The following SLC25A28 variants were observed in gnomAD, a reference collection of about 807,000 sequenced individuals.
SLC25A28 encodes solute carrier family 25 member 28, also known as mitoferrin-2.
SLC25A28 carries 10 observed loss-of-function variants against 31.9 expected under a neutral mutation model. The observed-to-expected ratio is 0.31, with a 90% CI of 0.19 to 0.53. The LOEUF is 0.53. Ranked by LOEUF, SLC25A28 falls within the 20% of genes least tolerant of loss-of-function variation. The pLI, the probability that SLC25A28 is intolerant of heterozygous loss-of-function variation, is 0.95. For synonymous variants in SLC25A28, 208 were observed against 203.6 expected (o/e 1.02, Z -0.19); for missense variants, 256 against 490.3 (o/e 0.52, Z 4.51).
chr10:99,616,507 G>C, intron 1 of SLC25A28: 1 of 984,814 alleles, frequency 1.0e-6, no homozygotes, highest in African/African-American at 1.7e-5. Flanking sequence ...ATTGCCTCCT[G>C]TATAAGTCAT....
At chr10:99,651,682 C>T in the SLC25A28 span, among the ~76,000 whole-genome samples, 4 of 149,986 alleles carry the variant, frequency 2.7e-5, no homozygotes, top group Non-Finnish European at 5.9e-5. Context: ...CCTTGAACTC[C>T]CGGGCTCACA....
chr10:99,612,127 A>G (rs1179415559), intron 3 of SLC25A28, among the ~76,000 whole-genome samples: 1 of 152,192 alleles, frequency 6.6e-6, no homozygotes, highest in Non-Finnish European at 1.5e-5. Flanking sequence ...TTTCATTCCT[A>G]TCCCAACTAG....
At position 99,612,842 on chromosome 10, in the gene SLC25A28, G is replaced by A. The variant is rs536262939; in HGVS notation, c.521-243C>T. Among the ~76,000 whole-genome samples the A allele has an allele frequency of 2.0e-5, 3 of 152,288 alleles. No homozygotes were observed. In the South Asian group the frequency reaches 6.2e-4, roughly 32 times the overall value. On this transcript the variant is annotated intron_variant, in intron 2 of 3. Coordinates refer to ENST00000370495, the MANE Select transcript of SLC25A28 (RefSeq NM_031212.4). Reference sequence around the variant, plus strand: ...ATCCATGATAGGAAGGCCAGCTCAAGTCTTATCAATAAAGATCATTCTGAG... The same window carrying A: ...ATCCATGATAGGAAGGCCAGCTCAAATCTTATCAATAAAGATCATTCTGAG...
At chr10:99,628,840 C>A in the SLC25A28 span, among the ~76,000 whole-genome samples, 128 of 152,210 alleles carry the variant, frequency 8.4e-4, no homozygotes, top group African/African-American at 3.0e-3. Flanking sequence ...AACAAAAAAA[C>A]CCACCACAAT....
At chr10:99,644,352 G>C in the SLC25A28 span, among the ~76,000 whole-genome samples, 1 of 152,004 alleles carries the variant, frequency 6.6e-6, no homozygotes, top group South Asian at 2.1e-4. Flanking sequence ...ATCTTTGTTG[G>C]TTTGAAGTCT....
chr10:99,642,963 T>C, the SLC25A28 span, among the ~76,000 whole-genome samples: 1 of 152,270 alleles, frequency 6.6e-6, no homozygotes, highest in South Asian at 2.1e-4. Flanking sequence ...CTGGATTCGG[T>C]TTGCCAGTAT....
At chr10:99,628,534 A>G in the SLC25A28 span, among the ~76,000 whole-genome samples, 2 of 152,248 alleles carry the variant, frequency 1.3e-5, no homozygotes, top group African/African-American at 4.8e-5. Flanking sequence ...AAGAAAAAAC[A>G]CAATCATTGG....
the SLC25A28 span, among the ~76,000 whole-genome samples, chr10:99,636,439 A>G: frequency 6.6e-6 from 1 of 152,196 alleles, no homozygotes; most frequent in Non-Finnish European, 1.5e-5. Context: ...GACACAACCT[A>G]TCGAAACGTC....
At chr10:99,620,856 C>G (rs1490008491), upstream of SLC25A28, 3 of 985,382 alleles carry the variant, frequency 3.0e-6, no homozygotes, top group Non-Finnish European at 2.4e-6. Context: ...CTAGCGCCTG[C>G]AGAGCTGCGG....
the SLC25A28 span, among the ~76,000 whole-genome samples, chr10:99,657,925 C>A: frequency 6.6e-6 from 1 of 152,134 alleles, no homozygotes; most frequent in Admixed American, 6.6e-5. Flanking sequence ...GCTGCTCATC[C>A]CTGTAATCCC....
At chr10:99,652,979 C>T in the SLC25A28 span, among the ~76,000 whole-genome samples, 4 of 152,106 alleles carry the variant, frequency 2.6e-5, no homozygotes, top group Admixed American at 1.3e-4. Flanking sequence ...TAACATAGCA[C>T]AAAACTCAAA....
In SLC25A28 at chr10:99,610,788, CAG is replaced by C. The variant is rs1222471114; in HGVS notation, c.*59_*60del. 2.4e-5 allele frequency: 38 copies of C among 1,559,324 alleles called. No homozygotes were observed. The Admixed American group carries it at 6.3e-4, about 26-fold the overall frequency. ...CTTGAGGTGGGAGCATTCCAGGAGA[CAG>C]AGAATGTGACCAGGATGCAGCAGTG... On this transcript the variant is annotated 3_prime_UTR_variant, in exon 4 of 4. Coordinates refer to ENST00000370495, the MANE Select transcript of SLC25A28 (RefSeq NM_031212.4).
the SLC25A28 span, among the ~76,000 whole-genome samples, chr10:99,646,300 G>T: frequency 3.3e-5 from 5 of 152,226 alleles, no homozygotes; most frequent in Non-Finnish European, 7.3e-5. Flanking sequence ...CTTGCAGTTC[G>T]ATCTCAGACT....
chr10:99,637,673 A>G, the SLC25A28 span, among the ~76,000 whole-genome samples: 1 of 152,070 alleles, frequency 6.6e-6, no homozygotes, highest in Non-Finnish European at 1.5e-5. Context: ...CAGGAACTCA[A>G]CTCTTTTTAC....
the SLC25A28 span, among the ~76,000 whole-genome samples, chr10:99,657,157 CATAGGA>C: frequency 2.6e-5 from 4 of 151,996 alleles, no homozygotes; most frequent in African/African-American, 4.8e-5. Context: ...GTTCATAAAC[CATAGGA>C]ATTAAGTACT....
chr10:99,619,247 C>T, intron 1 of SLC25A28: 1 of 985,434 alleles, frequency 1.0e-6, no homozygotes, highest in Non-Finnish European at 1.2e-6. Flanking sequence ...CTTACATCTA[C>T]TTTCTAATAC....
rs1204969998 is a variant in SLC25A28 at position 99,611,106 on chromosome 10, T to C, written c.838A>G (p.Thr280Ala). ...CAGAVAAAAT[T>A]PLDVCKTLLN... ...AGTGTTTTGCAAACGTCCAGTGGGG[T>C]TGTGGCTGCGGCAGCTACAGCTCCT... Residue 280 changes from threonine (T) to alanine (A), a missense_variant, in exon 4 of 4, where the codon ACC becomes GCC. Transcript: ENST00000370495. The surrounding 1 kb of genome is among the most constrained non-coding windows in gnomAD (Gnocchi z 5.5). The C allele has an allele frequency of 6.2e-7, 1 of 1,613,972 alleles. No individual in the cohort carries two copies. Among genetic ancestry groups the C allele is most frequent in the Non-Finnish European group, 8.5e-7 (1 of 1,180,008 alleles).
the SLC25A28 span, among the ~76,000 whole-genome samples, chr10:99,628,398 T>C: frequency 3.9e-5 from 6 of 152,274 alleles, no homozygotes; most frequent in Admixed American, 1.3e-4. Context: ...AAGGAAAATA[T>C]GTCAAAAACA....
the SLC25A28 span, among the ~76,000 whole-genome samples, chr10:99,646,047 T>A: frequency 3.9e-5 from 6 of 152,180 alleles, no homozygotes; most frequent in African/African-American, 1.4e-4. Context: ...CATTCTCAGA[T>A]CTCAAACTCC....
Sources: allele counts gnomAD v4.1 joint callset (sites outside exome capture counted in the v4.1 genomes callset), GRCh38; gene constraint gnomAD v4.1.1; non-coding constraint Gnocchi (gnomAD v3.1); transcripts MANE v1.5; gene names NCBI Gene and HGNC (gene_info 2026-07-23, HGNC 2026-07-21).